Variants in VWA3A observed in about 807,000 individuals in gnomAD.
VWA3A encodes the protein von Willebrand factor A domain-containing protein 3A.
A neutral mutation model predicts 160.4 loss-of-function variants in VWA3A; 134 were observed. The ratio of observed to expected loss-of-function variants is 0.84; its 90% CI spans 0.73 to 0.96. The LOEUF is 0.96. VWA3A is among the 40% of genes least tolerant of loss of function. The pLI is 0.00. For missense variants in VWA3A, 1,310 were observed against 1,447.9 expected, an observed-to-expected ratio of 0.90 and a Z score of 1.55; for synonymous variants, 476 against 543.4, an observed-to-expected ratio of 0.88 and a Z score of 1.72.
In VWA3A at chr16:22,148,154, C is replaced by T. The variant is rs1315673772; in HGVS notation, c.2840-8C>T. On this transcript the variant is annotated splice_polypyrimidine_tract_variant and splice_region_variant and intron_variant, in intron 27 of 33. Coordinates refer to ENST00000389398, the MANE Select transcript of VWA3A (RefSeq NM_173615.5). ...CTCCCTGCCTCTTCCCCACCTGTCT[C>T]GGAGCAGGGAGCCGCCGACTGTTTG... The T allele has an allele frequency of 6.9e-6, 11 of 1,593,258 alleles. No individual in the cohort carries two copies. The highest frequency in any genetic ancestry group is 2.7e-5 in the African/African-American group (2 of 74,478).
At chr16:22,129,388 CAAA>C (rs1193879527) in intron 17 of VWA3A, among the ~76,000 whole-genome samples, 1,628 of 99,288 alleles carry the variant, frequency 0.016, 41 homozygotes, top group African/African-American at 0.046. Context: ...GACTCCATCT[CAAA>C]AAAAAAAAAA....
intron 23 of VWA3A, among the ~76,000 whole-genome samples, 169 bp from the exon 24 acceptor site, chr16:22,141,413 C>A (rs1269437798): frequency 6.6e-6 from 1 of 152,196 alleles, no homozygotes; most frequent in African/African-American, 2.4e-5. Context: ...CTGATCCAAG[C>A]AAAGCCAGAG....
Position 22,156,074 on chromosome 16 carries a change from C to A in VWA3A, c.*57C>A, listed in dbSNP as rs760558152. On this transcript the variant is annotated 3_prime_UTR_variant, in exon 34 of 34. Coordinates refer to ENST00000389398, the MANE Select transcript of VWA3A (RefSeq NM_173615.5). ...GGACCACTCACTGAGCAAATCTCAG[C>A]CCCGAGGGCAGGATGGGATGAAATG... The A allele has an allele frequency of 2.6e-6, 2 of 755,808 alleles. No homozygotes were observed. The highest frequency in any genetic ancestry group is 1.9e-5 in the South Asian group (1 of 53,462). The allele number at this position is 755,808 out of a possible 1,614,324, so 46.8% of individuals were successfully genotyped here.
At chr16:22,100,860 GGAAAAA>G (rs1401739030) in intron 5 of VWA3A, among the ~76,000 whole-genome samples, 2 of 138,798 alleles carry the variant, frequency 1.4e-5, no homozygotes, top group South Asian at 2.3e-4. Flanking sequence ...AAAAAAGAAA[GGAAAAA>G]GAAAAAGAAA....
At chr16:22,138,222 G>A in intron 21 of VWA3A, 138 bp from the exon 22 acceptor site, 1 of 999,398 alleles carries the variant, frequency 1.0e-6, no homozygotes, top group East Asian at 2.7e-5. Context: ...TCAGCCCCAG[G>A]TGGCTTTCTA....
At chr16:22,148,769 T>G (rs2046299847) in intron 28 of VWA3A, among the ~76,000 whole-genome samples, 1 of 150,986 alleles carries the variant, frequency 6.6e-6, no homozygotes, top group South Asian at 2.1e-4. Flanking sequence ...AGACCCTGTC[T>G]CAAAAAAAAA....
At chr16:22,104,256 G>A (rs1266893674) in intron 6 of VWA3A, among the ~76,000 whole-genome samples, 1 of 152,198 alleles carries the variant, frequency 6.6e-6, no homozygotes, top group Non-Finnish European at 1.5e-5. Context: ...GAGAGGCCTA[G>A]GTAGGTGGAT....
At chr16:22,143,965 C>T (rs1426010420) in intron 25 of VWA3A, among the ~76,000 whole-genome samples, 1 of 151,792 alleles carries the variant, frequency 6.6e-6, no homozygotes, top group African/African-American at 2.4e-5. Flanking sequence ...TTCTCAAACT[C>T]CTGACCTCAG....
rs1397222885 is a variant in VWA3A, at chr16:22,120,908, C to T, written c.1117-60C>T. On this transcript the variant is annotated intron_variant, in intron 12 of 33. Coordinates refer to ENST00000389398, the MANE Select transcript of VWA3A (RefSeq NM_173615.5). ...GCATTGACTGGGTGGAGGGTGAAGACTGAGGACTTTTCAGCTCTAAAATAT... is the reference window on the plus strand; with the variant it reads ...GCATTGACTGGGTGGAGGGTGAAGATTGAGGACTTTTCAGCTCTAAAATAT... 3.1e-6 allele frequency: 5 copies of T among 1,597,016 alleles called. No individual in the cohort carries two copies. The East Asian group carries it at 9.0e-5, about 29-fold the overall frequency.
At chr16:22,153,236 C>T (rs2046380798) in intron 31 of VWA3A, among the ~76,000 whole-genome samples, 2 of 152,118 alleles carry the variant, frequency 1.3e-5, no homozygotes, top group South Asian at 2.1e-4. Flanking sequence ...ATCCCAGTTA[C>T]TCGGGAGGCT....
chr16:22,140,118 A>T (rs1475300025), intron 22 of VWA3A, 36 bp from the exon 23 acceptor site: 2 of 1,598,232 alleles, frequency 1.3e-6, no homozygotes, highest in Non-Finnish European at 1.7e-6. Flanking sequence ...GACACAGGGA[A>T]CACTCCTCTG....
intron 17 of VWA3A, among the ~76,000 whole-genome samples, chr16:22,129,281 C>T (rs1235544413): frequency 3.3e-5 from 5 of 150,506 alleles, no homozygotes; most frequent in Non-Finnish European, 7.4e-5. Context: ...CCCAGCTATT[C>T]GGGAGGCTGA....
At chr16:22,149,739 T>G (rs375038760) in intron 28 of VWA3A, 48 bp from the exon 29 acceptor site, 5 of 1,547,932 alleles carry the variant, frequency 3.2e-6, no homozygotes, top group Non-Finnish European at 4.4e-6. Context: ...CTAACCAATC[T>G]CTTTCTCCCC....
chr16:22,114,801 T>TA (rs1491171318), intron 8 of VWA3A, among the ~76,000 whole-genome samples: 14 of 112,370 alleles, frequency 1.2e-4, no homozygotes, highest in African/African-American at 6.6e-4. Context: ...TATCTCTCTA[T>TA]TTTTTTTTTT....
chr16:22,113,555 A>T (rs895504324), intron 8 of VWA3A, among the ~76,000 whole-genome samples: 3 of 144,782 alleles, frequency 2.1e-5, no homozygotes, highest in Non-Finnish European at 3.0e-5. Context: ...ATTTTTCTTT[A>T]CTTCAATTCT....
At chr16:22,132,644 C>T (rs567997602) in intron 19 of VWA3A, 53 of 500,666 alleles carry the variant, frequency 1.1e-4, no homozygotes, top group African/African-American at 9.6e-4. Flanking sequence ...TTCTGGCAGG[C>T]TTCCAGGGGA....
chr16:22,131,122 C>A, intron 17 of VWA3A, 83 bp from the exon 18 acceptor site: 1 of 1,316,142 alleles, frequency 7.6e-7, no homozygotes, highest in Non-Finnish European at 1.1e-6. Context: ...TTTGTCCCCA[C>A]TAAAAGCCTG....
At chr16:22,134,915 G>A (rs1271191672) in intron 21 of VWA3A, among the ~76,000 whole-genome samples, 1 of 152,122 alleles carries the variant, frequency 6.6e-6, no homozygotes, top group East Asian at 1.9e-4. Flanking sequence ...CAGACCAAAG[G>A]CTTAGATGTC....
In VWA3A at chr16:22,156,038, C is replaced by A; in HGVS notation, c.*21C>A. The A allele has an allele frequency of 1.8e-6, 2 of 1,134,458 alleles. No homozygotes were observed. Among genetic ancestry groups the A allele is most frequent in the South Asian group, 1.5e-5 (1 of 65,252 alleles). The allele number at this position is 1,134,458 out of a possible 1,614,324, so 70.3% of individuals were successfully genotyped here. ...TAATGATTCCTCTAAACAGAAAAGT[C>A]ATCCTGCAAAGGACCACTCACTGAG... is the stretch of plus-strand genomic sequence containing the variant. On this transcript the variant is annotated 3_prime_UTR_variant, in exon 34 of 34. Coordinates refer to ENST00000389398, the MANE Select transcript of VWA3A (RefSeq NM_173615.5).
Sources: gnomAD v4.1 joint callset for allele counts (sites outside exome capture counted in the v4.1 genomes callset) on GRCh38, gnomAD v4.1.1 for gene constraint, MANE v1.5 for transcripts, NCBI Gene and HGNC (gene_info 2026-07-23, HGNC 2026-07-21) for gene names.